MIS18BP1: variants seen among roughly 807,000 people sequenced by gnomAD.
MIS18BP1 encodes the protein MIS18 binding protein 1, also known as mis18-binding protein 1.
MIS18BP1 carries 72 observed loss-of-function variants against 116.1 expected under a neutral mutation model. The observed-to-expected ratio is 0.62, with a 90% confidence interval of 0.51 to 0.75. The LOEUF is 0.75. Among genes scored for constraint, MIS18BP1 ranks in the 30% least tolerant of loss-of-function variants. The pLI is 0.00. For synonymous variants in MIS18BP1, 386 were observed against 427.0 expected (o/e 0.90, Z 1.18); for missense variants, 1,363 against 1,303.2 (o/e 1.05, Z -0.71).
At chr14:45,245,965 C>T (rs1891712001) in intron 2 of MIS18BP1, among the ~76,000 whole-genome samples, 1 of 152,216 alleles carries the variant, frequency 6.6e-6, no homozygotes, top group Admixed American at 6.5e-5. Flanking sequence ...TTCCGTCTGT[C>T]CTAGAGTCCA....
At chr14:45,219,928 A>G (rs1031415244) in intron 11 of MIS18BP1, among the ~76,000 whole-genome samples, 1 of 152,248 alleles carries the variant, frequency 6.6e-6, no homozygotes, top group African/African-American at 2.4e-5. Context: ...TAATTTAAAA[A>G]GACAAACTTA....
chr14:45,246,678 A>G, intron 2 of MIS18BP1, 65 bp downstream of exon 2: 1 of 1,458,516 alleles, frequency 6.9e-7, no homozygotes, highest in Non-Finnish European at 9.2e-7. Flanking sequence ...TGAGCACCTA[A>G]AACAGTGTCT....
intron 14 of MIS18BP1, 199 bp from the exon 15 acceptor site, chr14:45,206,369 C>G (rs1273309205): frequency 2.2e-6 from 1 of 464,950 alleles, no homozygotes; most frequent in Non-Finnish European, 3.9e-6. Flanking sequence ...TCACTGCAGC[C>G]TCAACCTCCT....
At position 45,227,700 on chromosome 14, in the gene MIS18BP1, G is replaced by C. The variant is rs1257257460; in HGVS notation, c.1709C>G (p.Thr570Ser). 1 of 1,613,604 alleles carries C rather than the reference G, an allele frequency of 6.2e-7. No homozygotes were observed. The highest frequency in any genetic ancestry group is 8.5e-7 in the Non-Finnish European group (1 of 1,179,586). ...LRFPDDQVNN[T>S]IQNGGGDDLS... Reference sequence around the variant, plus strand: ...GTCATCTCCTCCTCCATTTTGAATAGTATTATTTACTTGGTCATCTGGGAA... The same window carrying C: ...GTCATCTCCTCCTCCATTTTGAATACTATTATTTACTTGGTCATCTGGGAA... Residue 570 changes from threonine (T) to serine (S), a missense_variant, in exon 9 of 17, where the codon ACT becomes AGT. By Grantham distance (58) the Thr-to-Ser change is moderately conservative (BLOSUM62 1). Transcript: ENST00000310806.
At chr14:45,218,039 C>G (rs1240898087) in intron 12 of MIS18BP1, among the ~76,000 whole-genome samples, 2 of 152,136 alleles carry the variant, frequency 1.3e-5, no homozygotes, top group African/African-American at 4.8e-5. Context: ...ATATTGAAAT[C>G]TCTGGATCTA....
intron 14 of MIS18BP1, among the ~76,000 whole-genome samples, chr14:45,208,673 G>C (rs995544668): frequency 2.6e-5 from 4 of 151,974 alleles, no homozygotes; most frequent in Non-Finnish European, 4.4e-5. Context: ...TGGTCAAAGT[G>C]CTTATCAAAA....
chr14:45,246,590 T>C (rs1006344352), intron 2 of MIS18BP1, among the ~76,000 whole-genome samples, 153 bp downstream of exon 2: 4 of 152,254 alleles, frequency 2.6e-5, no homozygotes, highest in African/African-American at 9.6e-5. Flanking sequence ...TTTAATATGT[T>C]AATTATGTCT....
At chr14:45,208,364 G>A (rs1214787064) in intron 14 of MIS18BP1, among the ~76,000 whole-genome samples, 4 of 132,888 alleles carry the variant, frequency 3.0e-5, no homozygotes, top group African/African-American at 1.1e-4. Context: ...ACGGAGTCTC[G>A]CACTGTCACC....
At chr14:45,217,792 C>G (rs1481047590) in intron 12 of MIS18BP1, among the ~76,000 whole-genome samples, 3 of 152,054 alleles carry the variant, frequency 2.0e-5, no homozygotes, top group Non-Finnish European at 4.4e-5. Flanking sequence ...TGCTGAATGC[C>G]TAATTTATTG....
chr14:45,242,824 G>A lies in MIS18BP1; in HGVS notation c.595C>T (p.Pro199Ser), dbSNP rs750292960. 1.2e-6 allele frequency: 2 copies of A among 1,613,242 alleles called. No individual in the cohort carries two copies. Among genetic ancestry groups the A allele is most frequent in the African/African-American group, 1.3e-5 (1 of 74,870 alleles). The change falls in exon 3 of 17, where the codon CCG becomes TCG. Residue 199 changes from proline (P) to serine (S), a missense_variant. Physicochemically the swap from Pro to Ser is moderately conservative, Grantham distance 74. Coordinates refer to ENST00000310806, the MANE Select transcript of MIS18BP1 (RefSeq NM_018353.5). The stretch of plus-strand genomic sequence containing the variant: ...TGGCACTGAATCTTTTGTTTGACCG[G>A]GAGGAAAATATCATTATTTGATGAT... ...LESSNNDIFL[P>S]VKQKIQCQQE... is the part of the protein sequence containing the mutation.
Position 45,249,252 on chromosome 14 carries a change from C to A in MIS18BP1, c.-91-1875G>T, listed in dbSNP as rs537440679. Among the ~76,000 whole-genome samples the A allele has an allele frequency of 2.6e-5, 4 of 152,206 alleles. No individual in the cohort carries two copies. The East Asian group carries it at 7.8e-4, about 30-fold the overall frequency. On this transcript the variant is annotated intron_variant, in intron 1 of 16. Transcript: ENST00000310806. The stretch of plus-strand genomic sequence containing the variant: ...GATCACAGGCACATGCCACCCCACC[C>A]GGCTAATTTTTGTATTTTTAGTAGA...
rs1249355893 is a variant in MIS18BP1, at chr14:45,203,425, C to T, written c.*684G>A. Reference sequence around the variant, plus strand: ...GTCTAATCTAGTCAAAATATTTAAGCTGTTTCTGCATATGTAAATAAGGCT... The same window carrying T: ...GTCTAATCTAGTCAAAATATTTAAGTTGTTTCTGCATATGTAAATAAGGCT... On this transcript the variant is annotated 3_prime_UTR_variant, in exon 17 of 17. Coordinates refer to ENST00000310806, the MANE Select transcript of MIS18BP1 (RefSeq NM_018353.5). 1 of 152,014 alleles carries T rather than the reference C, an allele frequency of 6.6e-6. No homozygotes were observed. The highest frequency in any genetic ancestry group is 1.5e-5 in the Non-Finnish European group (1 of 67,976). 9.4% of individuals were successfully genotyped at this position (152,014 alleles called of 1,614,324 possible). A position where few individuals can be genotyped will look rare whatever the true frequency, so the allele number is the denominator to read the frequency against.
chr14:45,205,045 A>G (rs1463638263), intron 15 of MIS18BP1, among the ~76,000 whole-genome samples: 1 of 152,168 alleles, frequency 6.6e-6, no homozygotes, highest in Non-Finnish European at 1.5e-5. Context: ...TACAATGCTT[A>G]TCAAACTATT....
intron 12 of MIS18BP1, among the ~76,000 whole-genome samples, chr14:45,217,458 A>G (rs1273490111): frequency 6.6e-6 from 1 of 152,146 alleles, no homozygotes; most frequent in African/African-American, 2.4e-5. Flanking sequence ...AAAAAAAGAA[A>G]GAAAACTTAG....
At position 45,206,173 on chromosome 14, in the gene MIS18BP1, G is replaced by A; in HGVS notation, c.3153-3C>T. 1 of 1,560,932 alleles carries A rather than the reference G, an allele frequency of 6.4e-7. No homozygotes were observed. The highest frequency in any genetic ancestry group is 2.3e-5 in the East Asian group (1 of 44,276). ...AAACATATTTATCACAGTCATTCCT[G>A]TTTGAATACGAAATAATTTTAAGTC... On this transcript the variant is annotated splice_polypyrimidine_tract_variant and splice_region_variant and intron_variant, in intron 14 of 16. Coordinates refer to ENST00000310806, the MANE Select transcript of MIS18BP1 (RefSeq NM_018353.5).
intron 2 of MIS18BP1, among the ~76,000 whole-genome samples, chr14:45,243,307 G>GT (rs1891635753): frequency 6.6e-6 from 1 of 152,060 alleles, no homozygotes; most frequent in Non-Finnish European, 1.5e-5. Flanking sequence ...TCGAAGAATT[G>GT]TAACTTATTC....
intron 14 of MIS18BP1, among the ~76,000 whole-genome samples, chr14:45,208,951 C>T (rs1258496191): frequency 1.3e-5 from 2 of 152,244 alleles, no homozygotes; most frequent in African/African-American, 2.4e-5. Flanking sequence ...CTCATTCTTA[C>T]TATTTTCCAT....
chr14:45,236,006 A>G (rs1594521005), intron 5 of MIS18BP1, 62 bp from the exon 6 acceptor site: 1 of 1,416,636 alleles, frequency 7.1e-7, no homozygotes, highest in East Asian at 2.4e-5. Flanking sequence ...CTAACAGAAA[A>G]TAATTTTACA....
chr14:45,234,991 G>A (rs933509427), intron 6 of MIS18BP1, among the ~76,000 whole-genome samples: 1 of 152,142 alleles, frequency 6.6e-6, no homozygotes, highest in Non-Finnish European at 1.5e-5. Flanking sequence ...GCTGAGGTGG[G>A]CAGATCACAT....
Sources: allele counts gnomAD v4.1 joint callset (sites outside exome capture counted in the v4.1 genomes callset), GRCh38; gene constraint gnomAD v4.1.1; transcripts MANE v1.5; gene names NCBI Gene and HGNC (gene_info 2026-07-23, HGNC 2026-07-21).